Variants in PCDH15 observed in about 807,000 individuals in gnomAD.
The protein encoded by PCDH15 is protocadherin-15.
Under a neutral mutation model 178.5 loss-of-function variants are expected in PCDH15, and 129 were observed. The ratio of observed to expected loss-of-function variants is 0.72; its 90% confidence interval spans 0.63 to 0.84. PCDH15 has a LOEUF of 0.84. PCDH15 is among the 40% of genes least tolerant of loss of function. The pLI is 0.00. For synonymous variants in PCDH15, 800 were observed against 732.0 expected (o/e 1.09, Z -1.50); for missense variants, 2,230 against 2,099.9 (o/e 1.06, Z -1.21).
chr10:54,583,314 T>A (rs1298170629), intron 2 of PCDH15, among the ~76,000 whole-genome samples: 1 of 152,124 alleles, frequency 6.6e-6, no homozygotes, highest in African/African-American at 2.4e-5. Flanking sequence ...GGAATTAGAA[T>A]GATTCTATAA....
chr10:55,620,173 G>A (rs904325518), intron 2 of PCDH15, among the ~76,000 whole-genome samples: 1 of 151,978 alleles, frequency 6.6e-6, no homozygotes, highest in African/African-American at 2.4e-5. Flanking sequence ...CATGCCAAAT[G>A]TCATCAGTAT....
intron 3 of PCDH15, among the ~76,000 whole-genome samples, chr10:54,397,388 C>T (rs529810973): frequency 1.7e-4 from 26 of 152,150 alleles, no homozygotes; most frequent in African/African-American, 6.0e-4. Context: ...CAGGGAACAA[C>T]CTTCCCTTCA....
chr10:54,508,148 A>G (rs576958259), intron 3 of PCDH15, among the ~76,000 whole-genome samples: 1 of 152,146 alleles, frequency 6.6e-6, no homozygotes, highest in African/African-American at 2.4e-5. Context: ...TTAACATCCT[A>G]CTGTATGTGA....
chr10:55,328,947 TATAA>T lies in PCDH15; in HGVS notation c.-155-162300_-155-162297del, dbSNP rs1161874563. Among the ~76,000 whole-genome samples the T allele has an allele frequency of 3.7e-4, 47 of 126,548 alleles. 1 individual carries two copies. Among genetic ancestry groups the T allele is most frequent in the African/African-American group, 1.3e-3 (43 of 32,012 alleles). 83.0% of individuals were successfully genotyped at this position (126,548 alleles called of 152,430 possible). ...ATATATATATATATATATATATATA[TATAA>T]AATATATAATATGGGGATGTACACA... On this transcript the variant is annotated intron_variant, in intron 2 of 5. Coordinates refer to the PCDH15 transcript ENST00000613346.
At chr10:55,198,537 A>T (rs937340586) in intron 1 of PCDH15, among the ~76,000 whole-genome samples, 15 of 152,198 alleles carry the variant, frequency 9.9e-5, no homozygotes, top group African/African-American at 3.4e-4. Context: ...CCCAAGCTGG[A>T]GAGCAGTGGC....
At chr10:55,622,139 TTA>T (rs1373123647) in intron 2 of PCDH15, among the ~76,000 whole-genome samples, 1 of 135,106 alleles carries the variant, frequency 7.4e-6, no homozygotes, top group Non-Finnish European at 1.5e-5. Context: ...ATTATATATA[TTA>T]TATATATCTA....
chr10:54,935,853 AT>A (rs150565160), intron 2 of PCDH15, among the ~76,000 whole-genome samples: 7 of 152,038 alleles, frequency 4.6e-5, no homozygotes, highest in Non-Finnish European at 7.4e-5. Flanking sequence ...CCCAAAAGGA[AT>A]TTTTTTATGT....
At chr10:54,930,494 G>T (rs7100120) in intron 2 of PCDH15, among the ~76,000 whole-genome samples, 37,465 of 151,952 alleles carry the variant, frequency 0.25, 5,418 homozygotes, top group Non-Finnish European at 0.33. Flanking sequence ...TGAACCTCAG[G>T]TATTTACCCC....
chr10:55,454,331 A>G (rs922035358), intron 2 of PCDH15, among the ~76,000 whole-genome samples: 3 of 152,146 alleles, frequency 2.0e-5, no homozygotes, highest in African/African-American at 7.2e-5. Flanking sequence ...CAGCCCTTAA[A>G]TACAAAGTAA....
At chr10:54,994,666 G>GTATT (rs1173196086) in intron 2 of PCDH15, among the ~76,000 whole-genome samples, 6 of 151,982 alleles carry the variant, frequency 3.9e-5, no homozygotes, top group African/African-American at 1.4e-4. Context: ...TAAACCAAGT[G>GTATT]TATTTATAAA....
intron 2 of PCDH15, among the ~76,000 whole-genome samples, chr10:55,532,351 T>A (rs535447324): frequency 1.3e-5 from 2 of 152,064 alleles, no homozygotes; most frequent in Non-Finnish European, 2.9e-5. Context: ...TGTTTCACAA[T>A]CTTTTCTGCT....
At chr10:54,672,364 T>C (rs1410425977) in intron 1 of PCDH15, among the ~76,000 whole-genome samples, 1 of 152,120 alleles carries the variant, frequency 6.6e-6, no homozygotes, top group Non-Finnish European at 1.5e-5. Context: ...TTGGGGACCA[T>C]TGCCATAGAT....
intron 18 of PCDH15, among the ~76,000 whole-genome samples, chr10:54,063,784 G>T (rs112048794): frequency 1.3e-5 from 2 of 152,144 alleles, no homozygotes; most frequent in South Asian, 2.1e-4. Flanking sequence ...AGCCACGCAC[G>T]CTAGCTGCTT....
intron 3 of PCDH15, among the ~76,000 whole-genome samples, chr10:54,895,631 A>G (rs943052493): frequency 6.6e-6 from 1 of 152,194 alleles, no homozygotes; most frequent in African/African-American, 2.4e-5. Flanking sequence ...CGCCTAAAAG[A>G]GGCAAGAAAT....
chr10:54,013,706 T>G (rs2092658325), intron 20 of PCDH15, among the ~76,000 whole-genome samples: 1 of 152,244 alleles, frequency 6.6e-6, no homozygotes. Flanking sequence ...TTCAAACTAA[T>G]GAAAACAAAG....
chr10:54,817,131 A>G (rs545638095), intron 3 of PCDH15, among the ~76,000 whole-genome samples: 30 of 151,998 alleles, frequency 2.0e-4, no homozygotes, highest in Non-Finnish European at 3.1e-4. Flanking sequence ...ATAATATTTA[A>G]TCTAACATTA....
chr10:55,269,262 G>A (rs1233568980), intron 1 of PCDH15, among the ~76,000 whole-genome samples: 1 of 151,616 alleles, frequency 6.6e-6, no homozygotes, highest in Non-Finnish European at 1.5e-5. Flanking sequence ...ATTTAACATA[G>A]TATTAGAAGT....
At chr10:54,264,741 C>A (rs566353852) in intron 8 of PCDH15, among the ~76,000 whole-genome samples, 12 of 151,866 alleles carry the variant, frequency 7.9e-5, no homozygotes, top group East Asian at 1.9e-4. Flanking sequence ...AAAGACAAAG[C>A]CTTCAAGAAA....
At chr10:54,979,832 G>GTGTAACATACAATATA (rs1441868041) in intron 2 of PCDH15, among the ~76,000 whole-genome samples, 5 of 152,004 alleles carry the variant, frequency 3.3e-5, no homozygotes, top group African/African-American at 1.2e-4. Flanking sequence ...CATACAATAT[G>GTGTAACATACAATATA]TGTAACATAT....
Sources: gnomAD v4.1 joint callset for allele counts (sites outside exome capture counted in the v4.1 genomes callset) on GRCh38, gnomAD v4.1.1 for gene constraint, MANE v1.5 for transcripts, NCBI Gene and HGNC (gene_info 2026-07-23, HGNC 2026-07-21) for gene names.